The following AP2B1 variants were observed in gnomAD, a reference collection of about 807,000 sequenced individuals.
AP2B1 encodes the protein AP-2 complex subunit beta.
A neutral mutation model predicts 102.0 loss-of-function variants in AP2B1; 23 were observed. That is an observed-to-expected ratio of 0.23 (90% CI 0.16 to 0.32). AP2B1 has a LOEUF of 0.32. Ranked by LOEUF, AP2B1 falls within the 10% of genes least tolerant of loss-of-function variation. AP2B1 has a pLI of 1.00. For synonymous variants in AP2B1, 381 were observed against 421.2 expected, an observed-to-expected ratio of 0.90 and a Z score of 1.17; for missense variants, 541 against 1,157.4, an observed-to-expected ratio of 0.47 and a Z score of 7.73.
intron 13 of AP2B1, among the ~76,000 whole-genome samples, chr17:35,656,332 A>G (rs147335232): frequency 3.7e-4 from 56 of 152,310 alleles, no homozygotes; most frequent in Non-Finnish European, 7.2e-4. Context: ...ATTTATTGAA[A>G]AGATCATCGT....
intron 20 of AP2B1, among the ~76,000 whole-genome samples, chr17:35,710,682 A>G (rs1418005437): frequency 6.6e-6 from 1 of 152,196 alleles, no homozygotes; most frequent in Non-Finnish European, 1.5e-5. Flanking sequence ...CTTCTTTTAT[A>G]TCAATTTTTG....
At chr17:35,675,152 A>G (rs758233160) in intron 17 of AP2B1, among the ~76,000 whole-genome samples, 1 of 152,260 alleles carries the variant, frequency 6.6e-6, no homozygotes, top group African/African-American at 2.4e-5. Flanking sequence ...GGAAGAGAGC[A>G]TGAAGAAGTA....
At chr17:35,708,683 GAGAT>G (rs2076391911) in intron 18 of AP2B1, among the ~76,000 whole-genome samples, 1 of 152,110 alleles carries the variant, frequency 6.6e-6, no homozygotes, top group African/African-American at 2.4e-5. Flanking sequence ...TAAAAAATAA[GAGAT>G]AGTATGGCAC....
At chr17:35,700,333 G>A (rs949212573) in intron 18 of AP2B1, among the ~76,000 whole-genome samples, 2 of 152,002 alleles carry the variant, frequency 1.3e-5, no homozygotes, top group Admixed American at 1.3e-4. Context: ...AAACACATCT[G>A]AATCATCATT....
chr17:35,617,606 G>T (rs2074060615), intron 5 of AP2B1, among the ~76,000 whole-genome samples: 1 of 152,034 alleles, frequency 6.6e-6, no homozygotes, highest in Admixed American at 6.6e-5. Flanking sequence ...ATTATTCAAG[G>T]GTGTACGTTT....
intron 18 of AP2B1, among the ~76,000 whole-genome samples, chr17:35,695,687 A>G (rs1334243994): frequency 6.6e-6 from 1 of 152,126 alleles, no homozygotes; most frequent in Non-Finnish European, 1.5e-5. Flanking sequence ...GCAGCCTACA[A>G]CAGAATTACT....
intron 9 of AP2B1, among the ~76,000 whole-genome samples, chr17:35,633,408 T>G (rs972899027): frequency 6.6e-6 from 1 of 151,432 alleles, no homozygotes; most frequent in Non-Finnish European, 1.5e-5. Context: ...AACAGAACCA[T>G]CCTATATATG....
chr17:35,618,339 C>G (rs1001103462), intron 5 of AP2B1, among the ~76,000 whole-genome samples: 2 of 152,142 alleles, frequency 1.3e-5, no homozygotes, highest in Non-Finnish European at 2.9e-5. Flanking sequence ...ATATGTAAAC[C>G]ACCTGTGTAT....
chr17:35,600,669 C>T (rs1393820424), intron 3 of AP2B1, among the ~76,000 whole-genome samples: 1 of 152,110 alleles, frequency 6.6e-6, no homozygotes, highest in East Asian at 1.9e-4. Flanking sequence ...AAAAACAGTA[C>T]ATTTTACCTT....
intron 10 of AP2B1, among the ~76,000 whole-genome samples, chr17:35,636,825 C>T (rs1279332560): frequency 2.0e-5 from 3 of 152,180 alleles, no homozygotes; most frequent in Admixed American, 6.5e-5. Context: ...TGCACCTTTT[C>T]TTCTCAGAAA....
chr17:35,631,844 G>A (rs2074471341), intron 9 of AP2B1, among the ~76,000 whole-genome samples: 1 of 152,088 alleles, frequency 6.6e-6, no homozygotes, highest in Non-Finnish European at 1.5e-5. Context: ...GCTCACTCAT[G>A]TCCTCTGCAC....
rs760789746 is a variant in AP2B1, at chr17:35,639,763, A to G, written c.1437+3A>G. The G allele has an allele frequency of 7.1e-5, 114 of 1,613,142 alleles. No homozygotes were observed. Among genetic ancestry groups the G allele is most frequent in the Non-Finnish European group, 9.2e-5 (108 of 1,179,484 alleles). On this transcript the variant is annotated splice_donor_region_variant and intron_variant, in intron 11 of 21. Coordinates refer to ENST00000610402, the MANE Select transcript of AP2B1 (RefSeq NM_001030006.2). The stretch of plus-strand genomic sequence containing the variant: ...GTTTTCACGATGAAAGCACCCAGGT[A>G]AGTTCTTGTCTCTTGTCTATCCTAG...
At chr17:35,626,306 A>G (rs2074314275) in intron 6 of AP2B1, among the ~76,000 whole-genome samples, 1 of 152,144 alleles carries the variant, frequency 6.6e-6, no homozygotes, top group Non-Finnish European at 1.5e-5. Context: ...GGGGAGACAA[A>G]GAGGACTATA....
intron 18 of AP2B1, among the ~76,000 whole-genome samples, chr17:35,692,122 G>A (rs587661249): frequency 1.3e-5 from 2 of 152,128 alleles, no homozygotes; most frequent in South Asian, 4.2e-4. Flanking sequence ...ATAAGCAATC[G>A]GCAAGAGTTC....
intron 20 of AP2B1, among the ~76,000 whole-genome samples, chr17:35,711,003 C>T (rs782693517): frequency 5.3e-5 from 8 of 152,140 alleles, no homozygotes; most frequent in African/African-American, 1.2e-4. Context: ...TAAAGAGCTC[C>T]GTACTCTTTC....
At chr17:35,691,154 G>C (rs2076032991) in intron 18 of AP2B1, among the ~76,000 whole-genome samples, 2 of 151,780 alleles carry the variant, frequency 1.3e-5, no homozygotes, top group African/African-American at 4.8e-5. Flanking sequence ...TGTAACCTTT[G>C]ATTAGGGCAG....
chr17:35,597,181 C>G, intron 2 of AP2B1: 1 of 461,578 alleles, frequency 2.2e-6, no homozygotes. Context: ...AAAGGAACGA[C>G]AGGAACAGTC....
In AP2B1 at chr17:35,710,230, A is replaced by G; in HGVS notation, c.2540-4A>G. The G allele has an allele frequency of 6.2e-7, 1 of 1,608,290 alleles. No individual in the cohort carries two copies. The highest frequency in any genetic ancestry group is 1.7e-4 in the Middle Eastern group (1 of 6,052). On this transcript the variant is annotated splice_polypyrimidine_tract_variant and splice_region_variant and intron_variant, in intron 19 of 21. Coordinates refer to ENST00000610402, the MANE Select transcript of AP2B1 (RefSeq NM_001030006.2). Reference sequence around the variant, plus strand: ...CCATCCTTCCCCTCTGCTTTCCCATACAGAGCGCCAGGTCTTCCTTGCAAC... The same window carrying G: ...CCATCCTTCCCCTCTGCTTTCCCATGCAGAGCGCCAGGTCTTCCTTGCAAC...
chr17:35,591,420 G>A (rs990643284), intron 1 of AP2B1, among the ~76,000 whole-genome samples: 5 of 152,192 alleles, frequency 3.3e-5, no homozygotes, highest in Middle Eastern at 3.4e-3. Context: ...CCATCCGCAC[G>A]CCTCGTCCTC....
Sources: gnomAD v4.1 joint callset for allele counts (sites outside exome capture counted in the v4.1 genomes callset) on GRCh38, gnomAD v4.1.1 for gene constraint, MANE v1.5 for transcripts, NCBI Gene and HGNC (gene_info 2026-07-23, HGNC 2026-07-21) for gene names.